Variants in DYRK3 observed in about 807,000 individuals in gnomAD.
DYRK3 encodes dual specificity tyrosine-phosphorylation-regulated kinase 3.
Under a neutral mutation model 40.8 loss-of-function variants are expected in DYRK3, and 30 were observed. The ratio of observed to expected loss-of-function variants is 0.74; its 90% confidence interval spans 0.55 to 1.00. The LOEUF is 1.00. DYRK3 is among the 50% of genes least tolerant of loss of function. The probability of loss-of-function intolerance (pLI) is 0.00; values close to 1 mark genes in which losing one functional copy is unlikely to be tolerated. For synonymous variants in DYRK3, 272 were observed against 260.7 expected (o/e 1.04, Z -0.42); for missense variants, 699 against 731.5 (o/e 0.96, Z 0.51).
intron 2 of DYRK3, among the ~76,000 whole-genome samples, chr1:206,638,214 C>G (rs1671171958): frequency 6.7e-6 from 1 of 150,016 alleles, no homozygotes; most frequent in African/African-American, 2.5e-5. Context: ...TAGATGATAA[C>G]TACAACAGTT....
intron 2 of DYRK3, among the ~76,000 whole-genome samples, chr1:206,640,585 C>CT (rs1262601376): frequency 2.9e-5 from 4 of 135,828 alleles, no homozygotes; most frequent in African/African-American, 1.1e-4. Context: ...GAGTCTCGCT[C>CT]TGTCACTGAG....
rs556718022 is a variant in DYRK3 at position 206,644,031 on chromosome 1, C to CTTTTT, written c.190-3340_190-3336dup. Among the ~76,000 whole-genome samples, 17 of 101,054 alleles carry CTTTTT rather than the reference C, an allele frequency of 1.7e-4. 1 individual carries two copies. Among genetic ancestry groups the CTTTTT allele is most frequent in the Admixed American group, 4.5e-4 (4 of 8,842 alleles). 66.3% of individuals were successfully genotyped at this position (101,054 alleles called of 152,430 possible). ...TCAGGAAGGCAACAGGGACCTACAG[C>CTTTTT]TTTTTTTTTTTTTTTTTTTTTGAGA... On this transcript the variant is annotated intron_variant, in intron 2 of 2. Transcript: ENST00000367109.
chr1:206,654,813 T>C lies in DYRK3; in HGVS notation c.*5848T>C, dbSNP rs962183722. Among the ~76,000 whole-genome samples the C allele has an allele frequency of 2.0e-5, 3 of 152,344 alleles. No individual in the cohort carries two copies. Among genetic ancestry groups the C allele is most frequent in the Admixed American group, 1.3e-4 (2 of 15,310 alleles). On this transcript the variant is annotated 3_prime_UTR_variant, in exon 3 of 3. Coordinates refer to ENST00000367109, the MANE Select transcript of DYRK3 (RefSeq NM_003582.4). ...AAGAAGCAGGGTATGATTCTTAATA[T>C]AGCCCACCCATCGCTAAGTCAAGCC...
intron 2 of DYRK3, 120 bp downstream of exon 2, chr1:206,637,881 A>T (rs1671163784): frequency 3.0e-6 from 2 of 665,746 alleles, no homozygotes; most frequent in African/African-American, 1.8e-5. Flanking sequence ...TTTATTTTTG[A>T]TTTCTCTTGA....
At position 206,635,547 on chromosome 1, in the gene DYRK3, G is replaced by T; in HGVS notation, c.-157G>T. ...AGCTGCGTCTCCCCACTTCCCAGCC[G>T]GGGCCAGTCGGGAGCGAAAGTGCGC... is the stretch of plus-strand genomic sequence containing the variant. On this transcript the variant is annotated 5_prime_UTR_variant, in exon 1 of 3. Transcript: ENST00000367109. 2.0e-6 allele frequency: 2 copies of T among 985,372 alleles called. No homozygotes were observed. The highest frequency in any genetic ancestry group is 2.6e-6 in the Non-Finnish European group (2 of 763,754). 61.0% of individuals were successfully genotyped at this position (985,372 alleles called of 1,614,324 possible).
rs201295410 is a variant in DYRK3 at position 206,635,958 on chromosome 1, C to A, written c.77+178C>A. The A allele has an allele frequency of 2.0e-5, 27 of 1,331,092 alleles. No homozygotes were observed. The South Asian group carries it at 4.3e-4, about 21-fold the overall frequency. 82.5% of individuals were successfully genotyped at this position (1,331,092 alleles called of 1,614,324 possible). ...CCTCTCTATCAGGGCCCCCTCCCCC[C>A]ATCCCTGTCTCACCGGGCGCGGGGG... is the stretch of plus-strand genomic sequence containing the variant. On this transcript the variant is annotated intron_variant, in intron 1 of 2. Coordinates refer to ENST00000367109, the MANE Select transcript of DYRK3 (RefSeq NM_003582.4).
At chr1:206,647,102 A>G (rs1377318686) in intron 2 of DYRK3, among the ~76,000 whole-genome samples, 1 of 152,042 alleles carries the variant, frequency 6.6e-6, no homozygotes, top group Admixed American at 6.6e-5. Flanking sequence ...ACAAGGACAC[A>G]TCTGTAAGAA....
In DYRK3 at chr1:206,644,031, C is replaced by CTTTTTTTTTTTTTTTTTTTTTT. The variant is rs556718022; in HGVS notation, c.190-3336_190-3335insTTTTTTTTTTTTTTTTTTTTTT. 4.0e-5 allele frequency among the ~76,000 whole-genome samples: 4 copies of CTTTTTTTTTTTTTTTTTTTTTT among 101,056 alleles called. 1 individual carries two copies. The highest frequency in any genetic ancestry group is 7.6e-5 in the African/African-American group (2 of 26,454). 66.3% of individuals were successfully genotyped at this position (101,056 alleles called of 152,430 possible). ...TCAGGAAGGCAACAGGGACCTACAG[C>CTTTTTTTTTTTTTTTTTTTTTT]TTTTTTTTTTTTTTTTTTTTTGAGA... is the stretch of plus-strand genomic sequence containing the variant. On this transcript the variant is annotated intron_variant, in intron 2 of 2. Coordinates refer to ENST00000367109, the MANE Select transcript of DYRK3 (RefSeq NM_003582.4).
intron 2 of DYRK3, among the ~76,000 whole-genome samples, chr1:206,637,969 G>A (rs1671165891): frequency 6.6e-6 from 1 of 152,068 alleles, no homozygotes; most frequent in Non-Finnish European, 1.5e-5. Flanking sequence ...TTTTATTTCA[G>A]TTTCCACTGG....
At position 206,654,118 on chromosome 1, in the gene DYRK3, C is replaced by T. The variant is rs1401302598; in HGVS notation, c.*5153C>T. Among the ~76,000 whole-genome samples, 6 of 152,176 alleles carry T rather than the reference C, an allele frequency of 3.9e-5. No individual in the cohort carries two copies. The highest frequency in any genetic ancestry group is 1.4e-4 in the African/African-American group (6 of 41,438). On this transcript the variant is annotated 3_prime_UTR_variant, in exon 3 of 3. Coordinates refer to ENST00000367109, the MANE Select transcript of DYRK3 (RefSeq NM_003582.4). Reference sequence around the variant, plus strand: ...TCTAAGCTTTCCTGACAGAATACTCCTACTACTTTGGTGAATCATGGAAAA... The same window carrying T: ...TCTAAGCTTTCCTGACAGAATACTCTTACTACTTTGGTGAATCATGGAAAA...
At chr1:206,642,715 C>G (rs4845122) in intron 2 of DYRK3, among the ~76,000 whole-genome samples, 55,390 of 151,722 alleles carry the variant, frequency 0.37, 10,481 homozygotes, top group South Asian at 0.42. Context: ...CTCATAGGTG[C>G]GAATTGAACA....
rs1324933984 is a variant in DYRK3 at position 206,654,606 on chromosome 1, C to T, written c.*5641C>T. On this transcript the variant is annotated 3_prime_UTR_variant, in exon 3 of 3. Transcript: ENST00000367109. Reference sequence around the variant, plus strand: ...AGAATTTACTTCCAGACCTGGCCTTCAGCCTAATATGATTAGGGTGTTTTT... The same window carrying T: ...AGAATTTACTTCCAGACCTGGCCTTTAGCCTAATATGATTAGGGTGTTTTT... 6.6e-6 allele frequency among the ~76,000 whole-genome samples: 1 copy of T among 152,216 alleles called. No individual in the cohort carries two copies. The highest frequency in any genetic ancestry group is 1.5e-5 in the Non-Finnish European group (1 of 68,034).
rs541194032 is a variant in DYRK3, at chr1:206,649,636, C to A, written c.*671C>A. On this transcript the variant is annotated 3_prime_UTR_variant, in exon 3 of 3. Coordinates refer to ENST00000367109, the MANE Select transcript of DYRK3 (RefSeq NM_003582.4). The stretch of plus-strand genomic sequence containing the variant: ...GAAGCCTTACCACTTTACTAAATAA[C>A]CCTGTAAGGTACTGATTTAAAAACT... Among the ~76,000 whole-genome samples the A allele has an allele frequency of 6.6e-5, 10 of 152,212 alleles. No homozygotes were observed. The highest frequency in any genetic ancestry group is 1.2e-4 in the Non-Finnish European group (8 of 68,038).
In DYRK3 at chr1:206,648,669, G is replaced by C; in HGVS notation, c.1471G>C (p.Asp491His). The C allele has an allele frequency of 6.2e-7, 1 of 1,614,010 alleles. No individual in the cohort carries two copies. Among genetic ancestry groups the C allele is most frequent in the Non-Finnish European group, 8.5e-7 (1 of 1,179,950 alleles). ...CTGGGGGACAGCACTGAAAGGGTGT[G>C]ATGACTACTTGTTTATAGAGTTCTT... is the stretch of plus-strand genomic sequence containing the variant. ...KDWGTALKGC[D>H]DYLFIEFLKR... Residue 491 changes from aspartate (D) to histidine (H), a missense_variant, in exon 3 of 3, where the codon GAT (aspartate) becomes CAT (histidine). By Grantham distance (81) the Asp-to-His change is moderately conservative. Coordinates refer to ENST00000367109, the MANE Select transcript of DYRK3 (RefSeq NM_003582.4).
chr1:206,647,569 T>G lies in DYRK3; in HGVS notation c.371T>G (p.Leu124Trp). ...TCTCAGGGTAAAAGTTCAGATTGCT[T>G]GAATACAGTAAAATCCAACAGTTCA... is the stretch of plus-strand genomic sequence containing the variant. The part of the protein sequence containing the change: ...TVSQGKSSDC[L>W]NTVKSNSSSK... The change falls in exon 3 of 3, where the codon TTG becomes TGG. Residue 124 changes from leucine to tryptophan, a missense_variant. Coordinates refer to ENST00000367109, the MANE Select transcript of DYRK3 (RefSeq NM_003582.4). The G allele has an allele frequency of 6.2e-7, 1 of 1,614,196 alleles. No individual in the cohort carries two copies. The highest frequency in any genetic ancestry group is 2.2e-5 in the East Asian group (1 of 44,882).
intron 2 of DYRK3, among the ~76,000 whole-genome samples, chr1:206,640,780 G>T (rs1296096316): frequency 2.6e-5 from 4 of 151,884 alleles, no homozygotes; most frequent in African/African-American, 9.7e-5. Flanking sequence ...TCGATCTCTT[G>T]ACCTCGTGAT....
rs868910215 is a variant in DYRK3, at chr1:206,649,088, A to G, written c.*123A>G. 1.9e-6 allele frequency: 2 copies of G among 1,042,658 alleles called. No individual in the cohort carries two copies. The highest frequency in any genetic ancestry group is 2.7e-6 in the Non-Finnish European group (2 of 739,980). 64.6% of individuals were successfully genotyped at this position (1,042,658 alleles called of 1,614,324 possible). On this transcript the variant is annotated 3_prime_UTR_variant, in exon 3 of 3. Coordinates refer to ENST00000367109, the MANE Select transcript of DYRK3 (RefSeq NM_003582.4). ...TTAGAGTAGACTTTTTTTAAACAAG[A>G]CAAAACATTTTTATATGATTATAAA...
In DYRK3 at chr1:206,652,336, G is replaced by T. The variant is rs532250917; in HGVS notation, c.*3371G>T. On this transcript the variant is annotated 3_prime_UTR_variant, in exon 3 of 3. Coordinates refer to ENST00000367109, the MANE Select transcript of DYRK3 (RefSeq NM_003582.4). ...CATCTGATGTACACTGTGTTTTGGTGTTTGTGTTTTTAGTGAGAGTTCTAG... is the reference window on the plus strand; with the variant it reads ...CATCTGATGTACACTGTGTTTTGGTTTTTGTGTTTTTAGTGAGAGTTCTAG... Among the ~76,000 whole-genome samples, 9 of 152,304 alleles carry T rather than the reference G, an allele frequency of 5.9e-5. No individual in the cohort carries two copies. The South Asian group carries it at 1.7e-3, about 28-fold the overall frequency.
rs1308428596 is a variant in DYRK3 at position 206,649,614 on chromosome 1, GC to G, written c.*651del. On this transcript the variant is annotated 3_prime_UTR_variant, in exon 3 of 3. Coordinates refer to ENST00000367109, the MANE Select transcript of DYRK3 (RefSeq NM_003582.4). ...TAGTCACTCAAAGCATTTTACAGAA[GC>G]CTTACCACTTTACTAAATAACCCTG... Among the ~76,000 whole-genome samples, 1 of 152,186 alleles carries G rather than the reference GC, an allele frequency of 6.6e-6. No homozygotes were observed. Among genetic ancestry groups the G allele is most frequent in the African/African-American group, 2.4e-5 (1 of 41,448 alleles).
Sources: allele counts gnomAD v4.1 joint callset (sites outside exome capture counted in the v4.1 genomes callset), GRCh38; gene constraint gnomAD v4.1.1; transcripts MANE v1.5; gene names NCBI Gene and HGNC (gene_info 2026-07-23, HGNC 2026-07-21).